Variants in MYH10 observed in about 807,000 individuals in gnomAD.
MYH10 encodes the protein myosin-10.
In MYH10, 55 loss-of-function variants were observed where a neutral mutation model predicts 257.8. That is an observed-to-expected ratio of 0.21 (90% CI 0.17 to 0.27). MYH10 has a LOEUF of 0.27. Among genes scored for constraint, MYH10 ranks in the 10% least tolerant of loss-of-function variants. The pLI is 1.00. For missense variants in MYH10, 1,631 were observed against 2,500.6 expected (o/e 0.65, Z 7.42); for synonymous variants, 854 against 921.7 (o/e 0.93, Z 1.33).
chr17:8,560,014 G>A (rs533551624), intron 7 of MYH10, among the ~76,000 whole-genome samples: 9 of 152,224 alleles, frequency 5.9e-5, no homozygotes, highest in Admixed American at 2.6e-4. Context: ...TCTGCGGAAA[G>A]GTTCATCAAA....
At chr17:8,590,275 A>G (rs538629093) in intron 3 of MYH10, among the ~76,000 whole-genome samples, 20 of 152,320 alleles carry the variant, frequency 1.3e-4, no homozygotes, top group African/African-American at 4.8e-4. Flanking sequence ...TGAGATTTAC[A>G]AAGAACACAG....
At chr17:8,564,246 A>G (rs2083089917) in intron 7 of MYH10, among the ~76,000 whole-genome samples, 1 of 152,242 alleles carries the variant, frequency 6.6e-6, no homozygotes, top group South Asian at 2.1e-4. Context: ...TTAGTCGTCT[A>G]TATCAGATCA....
intron 5 of MYH10, 66 bp downstream of exon 5, chr17:8,577,170 C>T (rs975017873): frequency 2.2e-6 from 3 of 1,338,610 alleles, no homozygotes; most frequent in African/African-American, 2.9e-5. Context: ...GACTGGCTTC[C>T]TTATTTTTGT....
At chr17:8,522,294 C>G (rs1295894633) in intron 17 of MYH10, among the ~76,000 whole-genome samples, 2 of 152,218 alleles carry the variant, frequency 1.3e-5, no homozygotes, top group Non-Finnish European at 2.9e-5. Flanking sequence ...TGTGCAAGAT[C>G]TCATTCAATT....
chr17:8,600,421 G>A (rs1182256923), intron 3 of MYH10, among the ~76,000 whole-genome samples: 7 of 152,090 alleles, frequency 4.6e-5, no homozygotes, highest in Admixed American at 4.6e-4. Context: ...CTTCTTGATT[G>A]GACTACCAAT....
chr17:8,583,360 A>G (rs1402823892), intron 4 of MYH10, among the ~76,000 whole-genome samples: 3 of 152,230 alleles, frequency 2.0e-5, no homozygotes, highest in Admixed American at 1.3e-4. Flanking sequence ...GACATATAAA[A>G]TAGAGTCATT....
At position 8,475,346 on chromosome 17, in the gene MYH10, A is replaced by G. The variant is rs1468866039; in HGVS notation, c.*458T>C. On this transcript the variant is annotated 3_prime_UTR_variant, in exon 43 of 43. Coordinates refer to ENST00000360416, the MANE Select transcript of MYH10 (RefSeq NM_001256012.3). ...GAGACAAGTGCAGTTTAGAGTCCAC[A>G]GTGGTCTAGGAGACTTGATGTGGCT... 1 of 157,244 alleles carries G rather than the reference A, an allele frequency of 6.4e-6. No homozygotes were observed. Among genetic ancestry groups the G allele is most frequent in the Non-Finnish European group, 1.4e-5 (1 of 71,104 alleles). The allele number at this position is 157,244 out of a possible 1,614,324, so 9.7% of individuals were successfully genotyped here. A position where few individuals can be genotyped will look rare whatever the true frequency, so the allele number is the denominator to read the frequency against.
chr17:8,479,627 A>G (rs1039202818), intron 40 of MYH10, among the ~76,000 whole-genome samples: 6 of 152,214 alleles, frequency 3.9e-5, no homozygotes, highest in Admixed American at 3.9e-4. Flanking sequence ...TCTGGGCGCT[A>G]TGACCTAATA....
intron 14 of MYH10, among the ~76,000 whole-genome samples, chr17:8,539,988 CTTAT>C (rs1458148139): frequency 1.3e-5 from 2 of 152,118 alleles, no homozygotes; most frequent in South Asian, 2.1e-4. Flanking sequence ...TTCTACTTCA[CTTAT>C]TTATTTTTTT....
At chr17:8,541,788 C>A (rs1567871385) in intron 14 of MYH10, among the ~76,000 whole-genome samples, 2 of 152,268 alleles carry the variant, frequency 1.3e-5, no homozygotes, top group East Asian at 3.9e-4. Flanking sequence ...TGGAGCTCCA[C>A]ATCCTTTGAA....
intron 3 of MYH10, among the ~76,000 whole-genome samples, chr17:8,597,397 TTATA>T (rs1436267059): frequency 6.6e-6 from 1 of 150,818 alleles, no homozygotes; most frequent in Non-Finnish European, 1.5e-5. Flanking sequence ...TAATAATTAT[TTATA>T]TACTTATATA....
intron 9 of MYH10, among the ~76,000 whole-genome samples, chr17:8,551,478 C>T (rs1158599898): frequency 6.6e-6 from 1 of 152,128 alleles, no homozygotes; most frequent in African/African-American, 2.4e-5. Context: ...ATTTGAGAAT[C>T]AGAAGAGATG....
chr17:8,592,933 CTA>C (rs71159601), intron 3 of MYH10, among the ~76,000 whole-genome samples: 2,978 of 44,704 alleles, frequency 0.067, 472 homozygotes, highest in African/African-American at 0.085. Context: ...TCAAATCCAG[CTA>C]TATATATATA....
chr17:8,566,310 C>A (rs1013193140), intron 7 of MYH10, among the ~76,000 whole-genome samples: 5 of 152,230 alleles, frequency 3.3e-5, no homozygotes, highest in African/African-American at 1.2e-4. Flanking sequence ...CTGGTATTCA[C>A]AGTTCCCTCC....
chr17:8,591,799 C>A lies in MYH10; in HGVS notation c.503-2691G>T, dbSNP rs184868501. On this transcript the variant is annotated intron_variant, in intron 3 of 42. Transcript: ENST00000360416. ...CCCCCTGTCAAACAACAACAAAAAA[C>A]CAACTCTCTTCTAGCCAGACTCATC... is the stretch of plus-strand genomic sequence containing the variant. Among the ~76,000 whole-genome samples, 282 of 152,210 alleles carry A rather than the reference C, an allele frequency of 1.9e-3. 4 individuals are homozygous for A. Among genetic ancestry groups the A allele is most frequent in the African/African-American group, 6.6e-3 (276 of 41,522 alleles).
At chr17:8,497,156 A>C (rs1916761971) in intron 30 of MYH10, among the ~76,000 whole-genome samples, 1 of 152,028 alleles carries the variant, frequency 6.6e-6, no homozygotes, top group Admixed American at 6.6e-5. Flanking sequence ...GTATCTTTTC[A>C]CTGTAATAAA....
Position 8,528,975 on chromosome 17 carries a change from C to G in MYH10, c.1957+1648G>C, listed in dbSNP as rs138612124. 7.1e-3 allele frequency among the ~76,000 whole-genome samples: 1,079 copies of G among 152,302 alleles called. 18 individuals carry two copies. The highest frequency in any genetic ancestry group is 0.024 in the African/African-American group (977 of 41,556). On this transcript the variant is annotated intron_variant, in intron 17 of 42. Transcript: ENST00000360416. ...CCAAAGGACACCTCACAGAGAGAGA[C>G]AGAACCGGGAACATTTTCAGTGCCA...
At chr17:8,602,869 GAC>G (rs1173622300) in intron 3 of MYH10, among the ~76,000 whole-genome samples, 1 of 152,122 alleles carries the variant, frequency 6.6e-6, no homozygotes, top group Non-Finnish European at 1.5e-5. Flanking sequence ...AACTAAATAA[GAC>G]ACAAAGCCTT....
At chr17:8,565,958 AG>A (rs1276980027) in intron 7 of MYH10, among the ~76,000 whole-genome samples, 1 of 152,236 alleles carries the variant, frequency 6.6e-6, no homozygotes. Context: ...TATAATTTGA[AG>A]GAACGATCTA....
Sources: allele counts gnomAD v4.1 joint callset (sites outside exome capture counted in the v4.1 genomes callset), GRCh38; gene constraint gnomAD v4.1.1; transcripts MANE v1.5; gene names NCBI Gene and HGNC (gene_info 2026-07-23, HGNC 2026-07-21).